Variants in CELF2 observed in about 807,000 individuals in gnomAD.
The protein encoded by CELF2 is CUGBP Elav-like family member 2.
Under a neutral mutation model 62.6 loss-of-function variants are expected in CELF2, and 8 were observed. The ratio of observed to expected loss-of-function variants is 0.13; its 90% CI spans 0.07 to 0.23. The LOEUF (loss-of-function observed/expected upper bound fraction) is 0.23, where lower values mean the gene tolerates loss of function less well. Ranked by LOEUF, CELF2 falls within the 10% of genes least tolerant of loss-of-function variation. The pLI is 1.00. For missense variants in CELF2, 333 were observed against 671.0 expected (o/e 0.50, Z 5.56); for synonymous variants, 258 against 250.0 (o/e 1.03, Z -0.30).
At chr10:10,998,917 A>C (rs2054241818) in intron 2 of CELF2, among the ~76,000 whole-genome samples, 1 of 152,194 alleles carries the variant, frequency 6.6e-6, no homozygotes, top group South Asian at 2.1e-4. Context: ...ACCTGCCTGC[A>C]GTTTATGAAC....
At chr10:10,826,084 C>T (rs1477326337) in intron 1 of CELF2, among the ~76,000 whole-genome samples, 1 of 152,018 alleles carries the variant, frequency 6.6e-6, no homozygotes, top group African/African-American at 2.4e-5. Flanking sequence ...AGTAATCAAA[C>T]CATAAGAGGG....
chr10:10,786,346 T>C, the CELF2 span, among the ~76,000 whole-genome samples: 1 of 152,144 alleles, frequency 6.6e-6, no homozygotes, highest in East Asian at 1.9e-4. Context: ...CCTATAGATT[T>C]CTGGTCTTGG....
intron 5 of CELF2, among the ~76,000 whole-genome samples, chr10:11,259,457 A>G (rs2137955725): frequency 6.6e-6 from 1 of 151,890 alleles, no homozygotes; most frequent in Middle Eastern, 3.4e-3. Flanking sequence ...GGCGGCATGG[A>G]AATCAGTTTA....
Position 10,964,310 on chromosome 10 carries a change from C to T in CELF2, c.89+44311C>T, listed in dbSNP as rs1222130224. Among the ~76,000 whole-genome samples the T allele has an allele frequency of 1.2e-4, 18 of 152,280 alleles. No individual in the cohort carries two copies. In the East Asian group the frequency reaches 2.7e-3, roughly 23 times the overall value. On this transcript the variant is annotated intron_variant, in intron 2 of 13. Coordinates refer to the CELF2 transcript ENST00000636488. The stretch of plus-strand genomic sequence containing the variant: ...TGTTTATGTTTATCAGACTCCAGCA[C>T]TCAAGAAATTGAAGCTATTTGGACT...
chr10:10,837,251 C>G (rs2058359838), intron 1 of CELF2, among the ~76,000 whole-genome samples: 1 of 152,192 alleles, frequency 6.6e-6, no homozygotes, highest in Non-Finnish European at 1.5e-5. Context: ...GAATAAGTCT[C>G]ATGAGATCTA....
intron 1 of CELF2, among the ~76,000 whole-genome samples, chr10:11,081,238 G>A (rs2073947589): frequency 6.6e-6 from 1 of 152,138 alleles, no homozygotes; most frequent in Non-Finnish European, 1.5e-5. Flanking sequence ...GATTTTTTTT[G>A]AAGAAGCTTT....
chr10:11,226,765 T>C (rs1418522889), intron 3 of CELF2, among the ~76,000 whole-genome samples: 1 of 151,966 alleles, frequency 6.6e-6, no homozygotes, highest in Non-Finnish European at 1.5e-5. Context: ...AGGTATTTGC[T>C]AGAGACTTTT....
rs1020208140 is a variant in CELF2 at position 11,012,251 on chromosome 10, G to T, written c.53+6811G>T. The stretch of plus-strand genomic sequence containing the variant: ...TAAAGATTCTGATCTGCATGTACTG[G>T]ATCAGATATCTTCTGATCCTAGTGA... On this transcript the variant is annotated intron_variant, in intron 1 of 12. Transcript: ENST00000416382. The surrounding 1 kb of genome is among the most constrained non-coding windows in gnomAD (Gnocchi z 5.5). 2.6e-5 allele frequency among the ~76,000 whole-genome samples: 4 copies of T among 152,282 alleles called. No individual in the cohort carries two copies. In the South Asian group the frequency reaches 8.3e-4, roughly 32 times the overall value.
intron 10 of CELF2, chr10:11,317,616 C>CT (rs2095119192): frequency 6.6e-6 from 1 of 152,244 alleles, no homozygotes; most frequent in African/African-American, 2.4e-5. Context: ...GGAATGTGGT[C>CT]TGCTTATGGC....
chr10:10,954,215 TTATTATTA>T lies in CELF2; in HGVS notation c.89+34218_89+34225del, dbSNP rs1158139687. Among the ~76,000 whole-genome samples, 111 of 6,094 alleles carry T rather than the reference TTATTATTA, an allele frequency of 0.018. No homozygotes were observed. The East Asian group carries it at 0.21, about 12-fold the overall frequency. 4.0% of individuals were successfully genotyped at this position (6,094 alleles called of 152,430 possible). A position where few individuals can be genotyped will look rare whatever the true frequency, so the allele number is the denominator to read the frequency against. Reference sequence around the variant, plus strand: ...AGAGGGCAATTTGGCAATTTATTTATTATTATTATTATTATTATTATTATTATTATTAT... The same window carrying T: ...AGAGGGCAATTTGGCAATTTATTTATTTATTATTATTATTATTATTATTAT... On this transcript the variant is annotated intron_variant, in intron 2 of 13. Transcript: ENST00000636488.
intron 1 of CELF2, among the ~76,000 whole-genome samples, chr10:11,134,745 C>G (rs2060163631): frequency 6.6e-6 from 1 of 152,150 alleles, no homozygotes; most frequent in Non-Finnish European, 1.5e-5. Context: ...ATTTGAGAAG[C>G]AGGGCACGAG....
chr10:10,651,176 G>A, the CELF2 span, among the ~76,000 whole-genome samples: 3 of 122,012 alleles, frequency 2.5e-5, no homozygotes, highest in African/African-American at 9.0e-5. Context: ...CTTAAAAAAC[G>A]GCGCACCACG....
chr10:11,201,276 A>G (rs1228394538), intron 2 of CELF2, among the ~76,000 whole-genome samples: 1 of 152,146 alleles, frequency 6.6e-6, no homozygotes, highest in Non-Finnish European at 1.5e-5. Flanking sequence ...AACTGTCAGT[A>G]TTTTCGCAGA....
chr10:10,780,211 G>A, the CELF2 span, among the ~76,000 whole-genome samples: 8 of 152,298 alleles, frequency 5.3e-5, no homozygotes, highest in South Asian at 2.1e-4. Context: ...GTTGTTTTGT[G>A]TTGTTTTAAT....
At chr10:11,013,981 C>A (rs2056871048), upstream of CELF2, among the ~76,000 whole-genome samples, 1 of 152,220 alleles carries the variant, frequency 6.6e-6, no homozygotes, top group South Asian at 2.1e-4. This position sits in a 1 kb window ranked among gnomAD's most constrained non-coding sequence, Gnocchi z 4.1. Flanking sequence ...CAGATATTCT[C>A]TCAGGTACTT....
Position 11,256,298 on chromosome 10 carries a change from T to A in CELF2, c.404-1440T>A, listed in dbSNP as rs1466603882. ...GGTAGAGGAACCCACCTGTTACCAG[T>A]ACACCTGCCCCAGCCCCTTCTCAGC... On this transcript the variant is annotated intron_variant, in intron 4 of 12. Transcript: ENST00000633077. Among the ~76,000 whole-genome samples the A allele has an allele frequency of 2.6e-5, 4 of 152,312 alleles. No individual in the cohort carries two copies. The South Asian group carries it at 8.3e-4, about 32-fold the overall frequency.
rs1032173607 is a variant in CELF2, at chr10:11,211,797, A to T, written c.272-5628A>T. 6.2e-4 allele frequency among the ~76,000 whole-genome samples: 66 copies of T among 106,794 alleles called. 1 individual carries two copies. Among genetic ancestry groups the T allele is most frequent in the Admixed American group, 2.6e-3 (29 of 10,972 alleles). 70.1% of individuals were successfully genotyped at this position (106,794 alleles called of 152,430 possible). A position where few individuals can be genotyped will look rare whatever the true frequency, so the allele number is the denominator to read the frequency against. On this transcript the variant is annotated intron_variant, in intron 2 of 12. Transcript: ENST00000633077. This position sits in a 1 kb window ranked among gnomAD's most constrained non-coding sequence, Gnocchi z 4.8. ...GAGTGTGTGTGTATGTGTGTGAGAG[A>T]GAGAGAGAGAGAGAGAGTGTGTGTG...
At chr10:10,556,975 T>A in the CELF2 span, among the ~76,000 whole-genome samples, 4 of 145,454 alleles carry the variant, frequency 2.8e-5, no homozygotes, top group East Asian at 8.1e-4. Flanking sequence ...TTCTCCCATT[T>A]TGTAGGTTGC....
the CELF2 span, among the ~76,000 whole-genome samples, chr10:10,543,239 A>C: frequency 6.6e-6 from 1 of 152,156 alleles, no homozygotes; most frequent in Non-Finnish European, 1.5e-5. Flanking sequence ...CCCCAGAGTA[A>C]ACTTCAAAGA....
Sources: gnomAD v4.1 joint callset for allele counts (sites outside exome capture counted in the v4.1 genomes callset) on GRCh38, gnomAD v4.1.1 for gene constraint, Gnocchi (gnomAD v3.1) non-coding constraint, MANE v1.5 for transcripts, NCBI Gene and HGNC (gene_info 2026-07-23, HGNC 2026-07-21) for gene names.